Variants in TTC6 observed in about 807,000 individuals in gnomAD.
TTC6 encodes the protein tetratricopeptide repeat domain 6.
In TTC6, 172 loss-of-function variants were observed where a neutral mutation model predicts 210.4. The observed-to-expected ratio is 0.82, with a 90% CI of 0.72 to 0.93. The LOEUF is 0.93. TTC6 is among the 40% of genes least tolerant of loss of function. The pLI, the probability that TTC6 is intolerant of heterozygous loss-of-function variation, is 0.00. For synonymous variants in TTC6, 804 were observed against 819.6 expected (o/e 0.98, Z 0.32); for missense variants, 2,414 against 2,318.1 (o/e 1.04, Z -0.85).
chr14:37,648,889 G>A (rs1225329688), intron 1 of TTC6, among the ~76,000 whole-genome samples: 2 of 152,064 alleles, frequency 1.3e-5, no homozygotes, highest in African/African-American at 2.4e-5. Flanking sequence ...TTGGCCTTTT[G>A]ATTTTATAGC....
intron 14 of TTC6, among the ~76,000 whole-genome samples, chr14:37,779,794 A>C (rs559935497): frequency 1.3e-5 from 2 of 152,326 alleles, no homozygotes; most frequent in African/African-American, 4.8e-5. Context: ...GGAGGAGAAC[A>C]AAAAGGTTAA....
At chr14:37,720,406 A>G (rs1053311942) in intron 6 of TTC6, 6 of 152,146 alleles carry the variant, frequency 3.9e-5, no homozygotes, top group Non-Finnish European at 7.3e-5. Flanking sequence ...ATTACATTAT[A>G]ATTTGTACAC....
intron 29 of TTC6, among the ~76,000 whole-genome samples, chr14:37,836,563 C>T (rs191095120): frequency 5.3e-5 from 8 of 152,110 alleles, no homozygotes; most frequent in African/African-American, 1.7e-4. Context: ...CTATTCCTTC[C>T]AAAGTGTAGA....
chr14:37,644,567 G>T (rs568482350), intron 1 of TTC6, among the ~76,000 whole-genome samples: 1 of 152,336 alleles, frequency 6.6e-6, no homozygotes, highest in South Asian at 2.1e-4. Context: ...CATATGCCAA[G>T]GTTCACATTC....
chr14:37,661,367 C>T (rs1253028953), intron 1 of TTC6, among the ~76,000 whole-genome samples: 1 of 151,852 alleles, frequency 6.6e-6, no homozygotes, highest in Admixed American at 6.6e-5. Context: ...GGAAGGGGTC[C>T]AGTTTCAATT....
intron 12 of TTC6, among the ~76,000 whole-genome samples, chr14:37,750,802 A>G (rs984943459): frequency 5.9e-5 from 9 of 152,154 alleles, no homozygotes; most frequent in Admixed American, 2.6e-4. Flanking sequence ...ATGTGGGAGG[A>G]TTGCTTGAGC....
chr14:37,721,070 T>C (rs892309977), intron 6 of TTC6, among the ~76,000 whole-genome samples: 2 of 146,258 alleles, frequency 1.4e-5, no homozygotes, highest in Admixed American at 6.8e-5. Flanking sequence ...AAAGAAATTA[T>C]GGTCAGTGGA....
intron 1 of TTC6, among the ~76,000 whole-genome samples, chr14:37,670,845 A>G (rs941510205): frequency 3.9e-5 from 6 of 152,174 alleles, no homozygotes; most frequent in African/African-American, 9.7e-5. Flanking sequence ...TTATGCAATA[A>G]TAGGTAATAA....
intron 7 of TTC6, among the ~76,000 whole-genome samples, chr14:37,725,780 A>T (rs12892358): frequency 0.1 from 15,464 of 152,108 alleles, 1,154 homozygotes; most frequent in East Asian, 0.27. Flanking sequence ...CAAGATATAA[A>T]GCTACTTCAG....
intron 26 of TTC6, among the ~76,000 whole-genome samples, chr14:37,820,398 G>A (rs1254828210): frequency 6.6e-6 from 1 of 152,172 alleles, no homozygotes; most frequent in African/African-American, 2.4e-5. Flanking sequence ...AACTTGATGG[G>A]TACAGAAAAA....
chr14:37,685,987 G>A (rs1218427974), intron 3 of TTC6, among the ~76,000 whole-genome samples: 1 of 152,130 alleles, frequency 6.6e-6, no homozygotes, highest in Non-Finnish European at 1.5e-5. Context: ...CTTGGAGTAT[G>A]GGTCCCTTAA....
At chr14:37,739,216 T>C in intron 10 of TTC6, 61 bp downstream of exon 12, 1 of 1,372,068 alleles carries the variant, frequency 7.3e-7, no homozygotes, top group Non-Finnish European at 9.6e-7. Context: ...ACCTTAATTT[T>C]ATAATCTCAC....
intron 1 of TTC6, among the ~76,000 whole-genome samples, chr14:37,634,442 A>C (rs2095676047): frequency 6.6e-6 from 1 of 152,182 alleles, no homozygotes; most frequent in Non-Finnish European, 1.5e-5. Context: ...AAACAGAGAC[A>C]GTAGACTGAG....
At chr14:37,754,739 CCTT>C (rs1312357296) in intron 14 of TTC6, among the ~76,000 whole-genome samples, 5 of 152,066 alleles carry the variant, frequency 3.3e-5, no homozygotes, top group Non-Finnish European at 4.4e-5. Flanking sequence ...GGACTGGACT[CCTT>C]CTTTTTTATG....
intron 16 of TTC6, among the ~76,000 whole-genome samples, chr14:37,791,483 C>T (rs954703369): frequency 1.3e-5 from 2 of 152,078 alleles, no homozygotes; most frequent in African/African-American, 4.8e-5. Context: ...AATTCCTTGC[C>T]AACCAGCAGA....
Position 37,664,054 on chromosome 14 carries a change from TATTGTGAAAATGGCCATACTGCCC to T in TTC6, c.940-16095_940-16072del, listed in dbSNP as rs2095743055. Among the ~76,000 whole-genome samples, 2 of 147,750 alleles carry T rather than the reference TATTGTGAAAATGGCCATACTGCCC, an allele frequency of 1.4e-5. 1 individual carries two copies. Among genetic ancestry groups the T allele is most frequent in the Non-Finnish European group, 3.1e-5 (2 of 65,146 alleles). ...CTTGCTCATGGATAGGAAGAATCAA[TATTGTGAAAATGGCCATACTGCCC>T]AAAGTAATTTATAGATTTAATGCTA... On this transcript the variant is annotated intron_variant, in intron 1 of 30. Transcript: ENST00000553443.
intron 1 of TTC6, among the ~76,000 whole-genome samples, chr14:37,633,012 G>C (rs2095672997): frequency 1.3e-5 from 2 of 152,210 alleles, no homozygotes; most frequent in African/African-American, 4.8e-5. Flanking sequence ...TCAGACTGCT[G>C]TGCTGGCAGC....
intron 29 of TTC6, among the ~76,000 whole-genome samples, 199 bp downstream of exon 31, chr14:37,827,565 A>G (rs532966767): frequency 3.9e-5 from 6 of 152,134 alleles, no homozygotes; most frequent in Admixed American, 2.6e-4. Flanking sequence ...TATTCTCCTC[A>G]TTAACACTTG....
intron 20 of TTC6, among the ~76,000 whole-genome samples, chr14:37,798,487 A>G (rs1481404591): frequency 6.6e-6 from 1 of 151,902 alleles, no homozygotes; most frequent in Admixed American, 6.6e-5. Context: ...CTTGCTTATT[A>G]TTTCTTAAAA....
Sources: gnomAD v4.1 joint callset for allele counts (sites outside exome capture counted in the v4.1 genomes callset) on GRCh38, gnomAD v4.1.1 for gene constraint, MANE v1.5 for transcripts, NCBI Gene and HGNC (gene_info 2026-07-23, HGNC 2026-07-21) for gene names.